Variants in GLI2 observed in about 807,000 individuals in gnomAD.
GLI2 encodes the protein transcription activator GLI2.
Under a neutral mutation model 78.9 loss-of-function variants are expected in GLI2, and 22 were observed. The observed-to-expected ratio is 0.28, with a 90% CI of 0.20 to 0.40. GLI2 has a LOEUF of 0.40. Ranked by LOEUF, GLI2 falls within the 10% of genes least tolerant of loss-of-function variation. The pLI, the probability that GLI2 is intolerant of heterozygous loss-of-function variation, is 1.00. For missense variants in GLI2, 2,097 were observed against 2,213.2 expected (o/e 0.95, Z 1.05); for synonymous variants, 974 against 963.7 (o/e 1.01, Z -0.20).
chr2:120,956,541 G>A (rs1681273579), intron 5 of GLI2, among the ~76,000 whole-genome samples: 1 of 152,078 alleles, frequency 6.6e-6, no homozygotes, highest in Admixed American at 6.5e-5. Context: ...CCCCCAGTCA[G>A]CGCCACTCCG....
At chr2:120,917,527 A>C (rs1679159871) in intron 2 of GLI2, among the ~76,000 whole-genome samples, 1 of 152,254 alleles carries the variant, frequency 6.6e-6, no homozygotes, top group African/African-American at 2.4e-5. Flanking sequence ...AGCTTTGTCC[A>C]GGCCATCCAT....
chr2:120,962,418 C>A (rs1199956267), intron 5 of GLI2, among the ~76,000 whole-genome samples: 1 of 152,166 alleles, frequency 6.6e-6, no homozygotes, highest in East Asian at 1.9e-4. Context: ...TGCCCAGAGT[C>A]CCCATGATGT....
rs755789095 is a variant in GLI2, at chr2:120,989,375, T to C, written c.3410T>C (p.Val1137Ala). 6.2e-7 allele frequency: 1 copy of C among 1,613,000 alleles called. No homozygotes were observed. Among genetic ancestry groups the C allele is most frequent in the African/African-American group, 1.3e-5 (1 of 75,054 alleles). Reference protein sequence around the residue: ...VQWNEVSSGTVDALASQVKPP... With the variant: ...VQWNEVSSGTADALASQVKPP... ...TGGAATGAGGTGAGCTCCGGCACCGTAGACGCCCTGGCCAGCCAGGTGAAG... is the reference window on the plus strand; with the variant it reads ...TGGAATGAGGTGAGCTCCGGCACCGCAGACGCCCTGGCCAGCCAGGTGAAG... Residue 1137 changes from valine (V) to alanine (A), a missense_variant, in exon 14 of 14, where the codon GTA (valine) becomes GCA (alanine). By Grantham distance (64) the Val-to-Ala change is moderately conservative. Around this residue, in one of 5 missense-constraint regions of GLI2, gnomAD observed 1,290 missense variants for 1,261.7 expected, o/e 1.02. Coordinates refer to ENST00000361492, the MANE Select transcript of GLI2 (RefSeq NM_001374353.1).
chr2:120,958,859 G>T (rs1290570074), intron 5 of GLI2, among the ~76,000 whole-genome samples: 1 of 152,248 alleles, frequency 6.6e-6, no homozygotes, highest in Admixed American at 6.5e-5. Context: ...ACTGGAACTG[G>T]CTGGGACTTC....
chr2:120,860,232 G>A (rs1189675223), intron 2 of GLI2, among the ~76,000 whole-genome samples: 1 of 152,214 alleles, frequency 6.6e-6, no homozygotes, highest in Admixed American at 6.5e-5. Flanking sequence ...AGTTTCAGGT[G>A]TTTAGAGTAA....
intron 2 of GLI2, among the ~76,000 whole-genome samples, chr2:120,815,034 C>T (rs374560519): frequency 1.3e-5 from 2 of 152,074 alleles, no homozygotes; most frequent in East Asian, 3.9e-4. Context: ...AGGGAGAGGT[C>T]GATGGTTCTC....
Position 120,970,345 on chromosome 2 carries a change from G to C in GLI2, c.846-48G>C, listed in dbSNP as rs1395438772. The C allele has an allele frequency of 1.1e-5, 11 of 996,774 alleles. No individual in the cohort carries two copies. The Middle Eastern group carries it at 6.9e-4, about 63-fold the overall frequency. 61.7% of individuals were successfully genotyped at this position (996,774 alleles called of 1,614,324 possible). A position where few individuals can be genotyped will look rare whatever the true frequency, so the allele number is the denominator to read the frequency against. On this transcript the variant is annotated intron_variant, in intron 6 of 13. Transcript: ENST00000361492. ...CTGTCCAGGAAGTGTCAGCCTAAGA[G>C]AGCTCCCGATCCCCCACCCCCACTT...
chr2:120,872,199 G>C (rs1459343391), intron 2 of GLI2, among the ~76,000 whole-genome samples: 1 of 152,230 alleles, frequency 6.6e-6, no homozygotes, highest in South Asian at 2.1e-4. Context: ...GAGCAGAGGT[G>C]AGGTGGTAGA....
At chr2:120,820,388 G>A (rs1380569275) in intron 2 of GLI2, among the ~76,000 whole-genome samples, 2 of 152,214 alleles carry the variant, frequency 1.3e-5, no homozygotes, top group Non-Finnish European at 2.9e-5. Flanking sequence ...CCTGGAAGCC[G>A]AGAGGGTTAA....
intron 2 of GLI2, among the ~76,000 whole-genome samples, chr2:120,921,902 C>G (rs1292400244): frequency 6.6e-6 from 1 of 152,204 alleles, no homozygotes. Context: ...ACTGAGTTCT[C>G]CTGACACCTG....
chr2:120,904,372 G>A (rs1038773483), intron 2 of GLI2, among the ~76,000 whole-genome samples: 23 of 152,178 alleles, frequency 1.5e-4, no homozygotes, highest in African/African-American at 4.6e-4. Context: ...CCAGATGCTC[G>A]TTCTAAACTC....
chr2:120,983,946 G>GGGGTGT (rs112474343), intron 11 of GLI2, among the ~76,000 whole-genome samples: 5 of 143,212 alleles, frequency 3.5e-5, no homozygotes, highest in East Asian at 2.1e-4. Flanking sequence ...TGGTGTGTGG[G>GGGGTGT]GTGTGTGTGT....
Position 120,911,483 on chromosome 2 carries a change from C to T in GLI2, c.149-15878C>T, listed in dbSNP as rs376259054. Reference sequence around the variant, plus strand: ...CTAGAAACTGCTCTGTCTCCTACTGCGGCCCCGAGCAGCATGGCTTTCTCT... The same window carrying T: ...CTAGAAACTGCTCTGTCTCCTACTGTGGCCCCGAGCAGCATGGCTTTCTCT... On this transcript the variant is annotated intron_variant, in intron 2 of 13. Transcript: ENST00000361492. Among the ~76,000 whole-genome samples, 9 of 152,274 alleles carry T rather than the reference C, an allele frequency of 5.9e-5. No homozygotes were observed. The East Asian group carries it at 7.7e-4, about 13-fold the overall frequency.
In GLI2 at chr2:120,984,837, C is replaced by A. The variant is rs1226307771; in HGVS notation, c.1905+94C>A. 11 of 1,330,826 alleles carry A rather than the reference C, an allele frequency of 8.3e-6. No homozygotes were observed. In the East Asian group the frequency reaches 2.6e-4, roughly 32 times the overall value. The allele number at this position is 1,330,826 out of a possible 1,614,324, so 82.4% of individuals were successfully genotyped here. A position where few individuals can be genotyped will look rare whatever the true frequency, so the allele number is the denominator to read the frequency against. On this transcript the variant is annotated intron_variant, in intron 12 of 13. Coordinates refer to ENST00000361492, the MANE Select transcript of GLI2 (RefSeq NM_001374353.1). ...ACGGTTGCGGGCTCTGCCCTAAGGC[C>A]CCCCTCTAGGGGCACAGCGATATCC... is the stretch of plus-strand genomic sequence containing the variant.
chr2:120,829,964 C>CGT (rs140092401), intron 2 of GLI2, among the ~76,000 whole-genome samples: 103 of 151,916 alleles, frequency 6.8e-4, no homozygotes, highest in African/African-American at 1.8e-3. Flanking sequence ...GGTGTGCCTG[C>CGT]GTGTGTGTGT....
chr2:120,923,501 AAC>A lies in GLI2; in HGVS notation c.149-3854_149-3853del, dbSNP rs1188206403. 3.9e-5 allele frequency among the ~76,000 whole-genome samples: 6 copies of A among 152,162 alleles called. No individual in the cohort carries two copies. In the East Asian group the frequency reaches 5.8e-4, roughly 15 times the overall value. On this transcript the variant is annotated intron_variant, in intron 2 of 13. Transcript: ENST00000361492. ...GCATACATATGCACGTATACGCAGTAACACACATGCACATATAACATCCATGC... is the reference window on the plus strand; with the variant it reads ...GCATACATATGCACGTATACGCAGTAACACATGCACATATAACATCCATGC...
chr2:120,923,422 AAC>A (rs1310368131), intron 2 of GLI2, among the ~76,000 whole-genome samples: 2 of 152,102 alleles, frequency 1.3e-5, no homozygotes, highest in African/African-American at 4.8e-5. Flanking sequence ...TATACACAGC[AAC>A]ACACATGTAT....
At chr2:120,849,279 C>T (rs1288493416) in intron 2 of GLI2, among the ~76,000 whole-genome samples, 1 of 152,150 alleles carries the variant, frequency 6.6e-6, no homozygotes, top group East Asian at 1.9e-4. Flanking sequence ...TATTTGATGC[C>T]ACTGAACTGT....
chr2:120,975,224 A>C, intron 9 of GLI2, 115 bp downstream of exon 9: 2 of 985,364 alleles, frequency 2.0e-6, no homozygotes, highest in Non-Finnish European at 3.0e-6. Context: ...AGACCCCCAG[A>C]GATGCCTGGG....
Sources: allele counts gnomAD v4.1 joint callset (sites outside exome capture counted in the v4.1 genomes callset), GRCh38; gene constraint gnomAD v4.1.1; regional missense constraint gnomAD v4.1.1; transcripts MANE v1.5; gene names NCBI Gene and HGNC (gene_info 2026-07-23, HGNC 2026-07-21).